Variants in DCDC2C observed in about 807,000 individuals in gnomAD.
DCDC2C encodes doublecortin domain-containing protein 2C.
A neutral mutation model predicts 45.0 loss-of-function variants in DCDC2C; 44 were observed. The ratio of observed to expected loss-of-function variants is 0.98; its 90% CI spans 0.77 to 1.26. The LOEUF (loss-of-function observed/expected upper bound fraction) is 1.26, where lower values mean the gene tolerates loss of function less well. DCDC2C is among the 50% of genes most tolerant of loss of function. The pLI, the probability that DCDC2C is intolerant of heterozygous loss-of-function variation, is 0.00. For synonymous variants in DCDC2C, 187 were observed against 178.8 expected, an observed-to-expected ratio of 1.05 and a Z score of -0.37; for missense variants, 447 against 468.9, an observed-to-expected ratio of 0.95 and a Z score of 0.43.
rs143321458 is a variant in DCDC2C, at chr2:3,801,847, AGGACTCCTG to A, written c.1065+16750_1065+16758del. Among the ~76,000 whole-genome samples, 359 of 152,328 alleles carry A rather than the reference AGGACTCCTG, an allele frequency of 2.4e-3. 3 individuals carry two copies. Among genetic ancestry groups the A allele is most frequent in the Non-Finnish European group, 2.2e-3 (151 of 68,024 alleles). ...TCTCCAGATACCCTCTGCCTCCCTC[AGGACTCCTG>A]GGCTCCCAGCCCTGGGCTGACGGGA... On this transcript the variant is annotated intron_variant, in intron 10 of 10. Coordinates refer to ENST00000399143, the MANE Select transcript of DCDC2C (RefSeq NM_001287444.2).
intron 10 of DCDC2C, among the ~76,000 whole-genome samples, chr2:3,800,329 CTG>C (rs1671083926): frequency 6.6e-6 from 1 of 152,210 alleles, no homozygotes; most frequent in Non-Finnish European, 1.5e-5. Context: ...CACCCGTCTT[CTG>C]TGTCACTCAC....
intron 6 of DCDC2C, among the ~76,000 whole-genome samples, chr2:3,755,551 ATG>A (rs1351270808): frequency 6.6e-6 from 1 of 151,482 alleles, no homozygotes; most frequent in Non-Finnish European, 1.5e-5. Context: ...GTAGGGATGT[ATG>A]TGTGTGCATA....
intron 8 of DCDC2C, among the ~76,000 whole-genome samples, chr2:3,777,634 G>A (rs1159456962): frequency 6.6e-6 from 1 of 152,042 alleles, no homozygotes; most frequent in African/African-American, 2.4e-5. Flanking sequence ...TATTCATTGC[G>A]ACTGCTTTTC....
chr2:3,742,636 T>C (rs1056578793), intron 4 of DCDC2C, among the ~76,000 whole-genome samples: 9 of 152,300 alleles, frequency 5.9e-5, no homozygotes, highest in African/African-American at 1.7e-4. Flanking sequence ...GAAATGATAA[T>C]AATACCTACT....
chr2:3,786,032 G>GTC (rs1670642420), intron 10 of DCDC2C, among the ~76,000 whole-genome samples: 6 of 152,226 alleles, frequency 3.9e-5, no homozygotes, highest in Admixed American at 3.3e-4. Context: ...TATGTGTAAA[G>GTC]TCTGCTTAGC....
chr2:3,777,379 G>A (rs1670370191), intron 8 of DCDC2C, among the ~76,000 whole-genome samples: 1 of 152,002 alleles, frequency 6.6e-6, no homozygotes, highest in Admixed American at 6.5e-5. Flanking sequence ...TAAGACTCTC[G>A]ACTTCTTGAG....
At chr2:3,749,909 T>C (rs1227130504) in intron 4 of DCDC2C, among the ~76,000 whole-genome samples, 1 of 152,184 alleles carries the variant, frequency 6.6e-6, no homozygotes, top group African/African-American at 2.4e-5. Flanking sequence ...AAACCCGAAA[T>C]GCCTTTGGTT....
At chr2:3,829,132 T>C (rs879077684) in intron 10 of DCDC2C, among the ~76,000 whole-genome samples, 1 of 152,150 alleles carries the variant, frequency 6.6e-6, no homozygotes. Flanking sequence ...TGATGCTGGC[T>C]TTAGAAACCT....
rs896807799 is a variant in DCDC2C at position 3,818,615 on chromosome 2, G to T, written c.1066-28539G>T. Among the ~76,000 whole-genome samples, 3 of 152,168 alleles carry T rather than the reference G, an allele frequency of 2.0e-5. No homozygotes were observed. Among genetic ancestry groups the T allele is most frequent in the Non-Finnish European group, 4.4e-5 (3 of 68,034 alleles). On this transcript the variant is annotated intron_variant, in intron 10 of 10. Transcript: ENST00000399143. This position sits in a 1 kb window ranked among gnomAD's most constrained non-coding sequence, Gnocchi z 4.7. ...GCTGTTAATAGGCGAGTGGTAACAG[G>T]CTTTAATCCTTTTAAAGCTTGCTGT...
intron 10 of DCDC2C, among the ~76,000 whole-genome samples, chr2:3,841,177 C>T (rs1447350416): frequency 2.0e-5 from 3 of 152,036 alleles, no homozygotes; most frequent in African/African-American, 7.2e-5. Flanking sequence ...GAGTTTCAGA[C>T]GGGAGGCTTT....
At chr2:3,799,364 A>G (rs1378527201) in intron 10 of DCDC2C, among the ~76,000 whole-genome samples, 1 of 152,136 alleles carries the variant, frequency 6.6e-6, no homozygotes, top group Admixed American at 6.5e-5. Flanking sequence ...GCCTTCTCTC[A>G]GCTCGTCAAA....
intron 10 of DCDC2C, among the ~76,000 whole-genome samples, chr2:3,823,988 C>T (rs1455871724): frequency 6.6e-6 from 1 of 152,120 alleles, no homozygotes; most frequent in East Asian, 1.9e-4. Flanking sequence ...CAGTCATAGA[C>T]AATAAGTAAA....
intron 10 of DCDC2C, among the ~76,000 whole-genome samples, chr2:3,833,238 C>G (rs1356286886): frequency 6.6e-6 from 1 of 152,202 alleles, no homozygotes; most frequent in East Asian, 1.9e-4. Flanking sequence ...AGTATACTCG[C>G]CCTCTTTATT....
chr2:3,807,132 G>T (rs560672926), intron 10 of DCDC2C, among the ~76,000 whole-genome samples: 3 of 151,844 alleles, frequency 2.0e-5, no homozygotes, highest in African/African-American at 7.3e-5. Flanking sequence ...GCTTGAACTT[G>T]AGGGGTTTTG....
chr2:3,726,791 C>A (rs1318298679), intron 2 of DCDC2C, among the ~76,000 whole-genome samples: 3 of 151,950 alleles, frequency 2.0e-5, no homozygotes, highest in Non-Finnish European at 2.9e-5. Context: ...CAGCCCCAGA[C>A]CCCCTCGCGC....
At chr2:3,809,318 A>G (rs1185604656) in intron 10 of DCDC2C, among the ~76,000 whole-genome samples, 1 of 152,238 alleles carries the variant, frequency 6.6e-6, no homozygotes, top group Non-Finnish European at 1.5e-5. Flanking sequence ...CTATAGATCA[A>G]TTCAGGGAGA....
intron 1 of DCDC2C, among the ~76,000 whole-genome samples, chr2:3,706,633 T>C (rs957576712): frequency 3.9e-5 from 6 of 152,188 alleles, no homozygotes; most frequent in Non-Finnish European, 7.3e-5. Flanking sequence ...ACTTTAGAGC[T>C]TGTTGCTGAG....
chr2:3,839,596 A>G (rs921974772), intron 10 of DCDC2C, among the ~76,000 whole-genome samples: 3 of 152,218 alleles, frequency 2.0e-5, no homozygotes, highest in Non-Finnish European at 4.4e-5. Flanking sequence ...ATTGTAATCA[A>G]AACCAGCCTG....
rs1558249632 is a variant in DCDC2C, at chr2:3,837,622, A to AGACAGTATCAAGGG, written c.1066-9532_1066-9531insGACAGTATCAAGGG. On this transcript the variant is annotated intron_variant, in intron 10 of 10. Coordinates refer to ENST00000399143, the MANE Select transcript of DCDC2C (RefSeq NM_001287444.2). ...TCATCTAAAGGGGAAGAAACTGAGG[A>AGACAGTATCAAGGG]AGAAATCAGCCTTTGGCTCCCCCTT... Among the ~76,000 whole-genome samples, 2 of 124,482 alleles carry AGACAGTATCAAGGG rather than the reference A, an allele frequency of 1.6e-5. 1 individual carries two copies. The highest frequency in any genetic ancestry group is 3.7e-5 in the Non-Finnish European group (2 of 53,998). The allele number at this position is 124,482 out of a possible 152,430, so 81.7% of individuals were successfully genotyped here. A position where few individuals can be genotyped will look rare whatever the true frequency, so the allele number is the denominator to read the frequency against.
Sources: allele counts gnomAD v4.1 joint callset (sites outside exome capture counted in the v4.1 genomes callset), GRCh38; gene constraint gnomAD v4.1.1; non-coding constraint Gnocchi (gnomAD v3.1); transcripts MANE v1.5; gene names NCBI Gene and HGNC (gene_info 2026-07-23, HGNC 2026-07-21).